The following ZNF423 variants were observed in gnomAD, a reference collection of about 807,000 sequenced individuals.
ZNF423 encodes the protein zinc finger protein 423.
ZNF423 carries 12 observed loss-of-function variants against 95.8 expected under a neutral mutation model. The observed-to-expected ratio is 0.13, with a 90% CI of 0.08 to 0.20. The LOEUF (loss-of-function observed/expected upper bound fraction) is 0.20. Ranked by LOEUF, ZNF423 falls within the 10% of genes least tolerant of loss-of-function variation. ZNF423 has a pLI of 1.00. For synonymous variants in ZNF423, 749 were observed against 711.9 expected, an observed-to-expected ratio of 1.05 and a Z score of -0.83; for missense variants, 1,316 against 1,737.1, an observed-to-expected ratio of 0.76 and a Z score of 4.31.
At chr16:49,598,635 C>G (rs1194529295) in intron 5 of ZNF423, among the ~76,000 whole-genome samples, 1 of 152,252 alleles carries the variant, frequency 6.6e-6, no homozygotes, top group Non-Finnish European at 1.5e-5. Context: ...GGAAACTGAG[C>G]AAGGGAGGCC....
At chr16:49,621,219 T>C (rs894020039) in intron 5 of ZNF423, among the ~76,000 whole-genome samples, 1 of 152,106 alleles carries the variant, frequency 6.6e-6, no homozygotes, top group African/African-American at 2.4e-5. Context: ...AAGTTTTTCA[T>C]GTGCCTTCTG....
At chr16:49,808,418 G>A (rs9302743) in intron 1 of ZNF423, among the ~76,000 whole-genome samples, 28,326 of 152,072 alleles carry the variant, frequency 0.19, 3,294 homozygotes, top group African/African-American at 0.33. Flanking sequence ...CCTAACAGAT[G>A]AAGGAATAAA....
intron 5 of ZNF423, among the ~76,000 whole-genome samples, chr16:49,625,348 G>C (rs1412453718): frequency 1.3e-5 from 2 of 152,182 alleles, no homozygotes; most frequent in Non-Finnish European, 2.9e-5. Flanking sequence ...GTGAGGCTCT[G>C]TCTAAAATAA....
At chr16:49,580,242 C>T (rs750133047) in intron 5 of ZNF423, among the ~76,000 whole-genome samples, 18 of 152,124 alleles carry the variant, frequency 1.2e-4, no homozygotes, top group Middle Eastern at 3.2e-3. Context: ...GCCACTGTCC[C>T]GGTCACTCCC....
intron 3 of ZNF423, among the ~76,000 whole-genome samples, chr16:49,714,603 G>A (rs1180194319): frequency 3.5e-5 from 5 of 143,636 alleles, no homozygotes; most frequent in South Asian, 2.2e-4. Context: ...CCAAGATCTC[G>A]CCACTGCACT....
intron 4 of ZNF423, among the ~76,000 whole-genome samples, chr16:49,633,922 T>A (rs1265170124): frequency 1.3e-5 from 2 of 152,210 alleles, no homozygotes; most frequent in East Asian, 3.9e-4. Context: ...TCTTTTTTTT[T>A]TTGAGATGGA....
At chr16:49,582,202 A>C (rs1047468999) in intron 5 of ZNF423, among the ~76,000 whole-genome samples, 3 of 152,194 alleles carry the variant, frequency 2.0e-5, no homozygotes, top group Non-Finnish European at 4.4e-5. Flanking sequence ...AAGGTGCATG[A>C]GATCCTACTC....
At chr16:49,583,817 T>C (rs1427937317) in intron 5 of ZNF423, among the ~76,000 whole-genome samples, 1 of 152,190 alleles carries the variant, frequency 6.6e-6, no homozygotes, top group Non-Finnish European at 1.5e-5. Context: ...CTTGCAAATA[T>C]CAACTATCTG....
rs943537828 is a variant in ZNF423, at chr16:49,575,058, G to C, written c.3602-49564C>G. Reference sequence around the variant, plus strand: ...GCTTCCACAGGCGGATCGAGGGGTCGGGCCCATACCAGACTGCCAGCCGGA... The same window carrying C: ...GCTTCCACAGGCGGATCGAGGGGTCCGGCCCATACCAGACTGCCAGCCGGA... On this transcript the variant is annotated intron_variant, in intron 5 of 7. Coordinates refer to ENST00000563137, the MANE Select transcript of ZNF423 (RefSeq NM_001379286.1). Among the ~76,000 whole-genome samples, 6 of 152,162 alleles carry C rather than the reference G, an allele frequency of 3.9e-5. No individual in the cohort carries two copies. In the South Asian group the frequency reaches 1.2e-3, roughly 32 times the overall value.
chr16:49,772,024 T>C (rs2034044150), intron 2 of ZNF423, among the ~76,000 whole-genome samples: 1 of 152,134 alleles, frequency 6.6e-6, no homozygotes, highest in Non-Finnish European at 1.5e-5. Context: ...AGAGATGTGT[T>C]ATGAGGGCCT....
intron 5 of ZNF423, among the ~76,000 whole-genome samples, chr16:49,555,506 A>C (rs1303825455): frequency 4.6e-5 from 7 of 152,258 alleles, no homozygotes; most frequent in Admixed American, 2.6e-4. Context: ...CACACGGGTT[A>C]AGTAGCTTTC....
chr16:49,495,753 G>C (rs1036941329), intron 7 of ZNF423, among the ~76,000 whole-genome samples: 1 of 152,136 alleles, frequency 6.6e-6, no homozygotes, highest in African/African-American at 2.4e-5. Flanking sequence ...GGTTTTGCGC[G>C]CCCCAGGAGG....
At chr16:49,702,216 T>G (rs2032203486) in intron 3 of ZNF423, among the ~76,000 whole-genome samples, 1 of 152,176 alleles carries the variant, frequency 6.6e-6, no homozygotes, top group African/African-American at 2.4e-5. Context: ...AGTGTTTAGG[T>G]GCATGCACAA....
intron 7 of ZNF423, among the ~76,000 whole-genome samples, chr16:49,522,276 C>T (rs566795810): frequency 1.3e-5 from 2 of 152,240 alleles, no homozygotes; most frequent in Admixed American, 6.5e-5. Context: ...GGCATGCCCG[C>T]GGGACTTACT....
intron 5 of ZNF423, among the ~76,000 whole-genome samples, chr16:49,583,167 C>A (rs1233304273): frequency 1.3e-5 from 2 of 152,164 alleles, no homozygotes; most frequent in African/African-American, 4.8e-5. Flanking sequence ...GACCTAGGAA[C>A]CTTCCTGGAC....
chr16:49,799,212 G>A (rs1050655420), intron 1 of ZNF423, among the ~76,000 whole-genome samples: 19 of 152,152 alleles, frequency 1.2e-4, no homozygotes, highest in African/African-American at 4.3e-4. Context: ...CAGGAGGTTG[G>A]AGAGGACCAA....
chr16:49,673,013 C>G (rs1229012802), intron 3 of ZNF423, among the ~76,000 whole-genome samples: 1 of 152,172 alleles, frequency 6.6e-6, no homozygotes, highest in East Asian at 1.9e-4. Context: ...CTGCCCAGAG[C>G]CTTGCTGGAG....
In ZNF423 at chr16:49,490,600, CG is replaced by C. The variant is rs1567418938; in HGVS notation, c.*674del. 1.3e-5 allele frequency: 2 copies of C among 152,538 alleles called. No individual in the cohort carries two copies. The highest frequency in any genetic ancestry group is 4.8e-5 in the African/African-American group (2 of 41,420). 9.4% of individuals were successfully genotyped at this position (152,538 alleles called of 1,614,324 possible). The stretch of plus-strand genomic sequence containing the variant: ...GCTGGGGAGGAGAGAACCAGGCAGC[CG>C]GATGCTAATCGCATGGATTCCCTTT... On this transcript the variant is annotated 3_prime_UTR_variant, in exon 8 of 8. Coordinates refer to ENST00000563137, the MANE Select transcript of ZNF423 (RefSeq NM_001379286.1).
intron 1 of ZNF423, among the ~76,000 whole-genome samples, chr16:49,819,107 G>T (rs1322587102): frequency 2.6e-5 from 4 of 151,624 alleles, no homozygotes; most frequent in Admixed American, 6.6e-5. Context: ...AAAAAAATTA[G>T]CCGGGCGTGG....
Sources: allele counts gnomAD v4.1 joint callset (sites outside exome capture counted in the v4.1 genomes callset), GRCh38; gene constraint gnomAD v4.1.1; transcripts MANE v1.5; gene names NCBI Gene and HGNC (gene_info 2026-07-23, HGNC 2026-07-21).